PSMB5: variants seen among roughly 807,000 people sequenced by gnomAD.
The protein encoded by PSMB5 is proteasome 20S subunit beta 5, also known as proteasome subunit beta type-5.
Under a neutral mutation model 22.8 loss-of-function variants are expected in PSMB5, and 2 were observed. That is an observed-to-expected ratio of 0.09 (90% CI 0.04 to 0.28). PSMB5 has a LOEUF of 0.28. Among genes scored for constraint, PSMB5 ranks in the 10% least tolerant of loss-of-function variants. The pLI is 1.00. For synonymous variants in PSMB5, 133 were observed against 135.3 expected (o/e 0.98, Z 0.12); for missense variants, 269 against 343.8 (o/e 0.78, Z 1.72).
Position 23,025,903 on chromosome 14 carries a change from T to C in PSMB5, c.*186A>G, listed in dbSNP as rs2046908586. On this transcript the variant is annotated 3_prime_UTR_variant, in exon 3 of 3. Coordinates refer to ENST00000361611, the MANE Select transcript of PSMB5 (RefSeq NM_002797.5). ...TTAACATCCAAGAAAGTAAAACAAA[T>C]AGTCACCTCTGCAGCAGCTCATTAA... 7.0e-7 allele frequency: 1 copy of C among 1,434,860 alleles called. No homozygotes were observed. Among genetic ancestry groups the C allele is most frequent in the East Asian group, 2.5e-5 (1 of 40,016 alleles). 88.9% of individuals were successfully genotyped at this position (1,434,860 alleles called of 1,614,324 possible).
At chr14:23,032,280 A>G (rs2139920059) in intron 2 of PSMB5, among the ~76,000 whole-genome samples, 1 of 152,216 alleles carries the variant, frequency 6.6e-6, no homozygotes, top group African/African-American at 2.4e-5. Context: ...CCCCATCTCT[A>G]CTAAAAATAT....
In PSMB5 at chr14:23,033,510, T is replaced by C. The variant is rs1566716038; in HGVS notation, c.363A>G (p.Gln121=). ...TATTTCGAAGCTCATAGATTCGACATTGCCGAGCCAACAGCCGTTCCCAGA... is the reference window on the plus strand; with the variant it reads ...TATTTCGAAGCTCATAGATTCGACACTGCCGAGCCAACAGCCGTTCCCAGA... ...CSFWERLLAR[Q]CRIYELRNKE... is the part of the protein sequence containing the mutation. Residue 121 remains glutamine, a synonymous_variant, in exon 2 of 3, where the codon CAA becomes CAG. Coordinates refer to ENST00000361611, the MANE Select transcript of PSMB5 (RefSeq NM_002797.5). The C allele has an allele frequency of 3.1e-6, 5 of 1,614,164 alleles. No individual in the cohort carries two copies. The highest frequency in any genetic ancestry group is 2.2e-5 in the East Asian group (1 of 44,862).
intron 2 of PSMB5, among the ~76,000 whole-genome samples, chr14:23,027,199 G>A (rs529988816): frequency 1.1e-4 from 16 of 151,546 alleles, no homozygotes; most frequent in African/African-American, 3.6e-4. Context: ...TGGCTAACAC[G>A]GTGAAACCCC....
At chr14:23,027,157 T>C (rs989807542) in intron 2 of PSMB5, among the ~76,000 whole-genome samples, 1 of 151,020 alleles carries the variant, frequency 6.6e-6, no homozygotes, top group Non-Finnish European at 1.5e-5. Flanking sequence ...CCGAGGCGGG[T>C]GGATCACGAG....
intron 2 of PSMB5, among the ~76,000 whole-genome samples, chr14:23,026,959 A>C (rs1027193179): frequency 7.9e-5 from 12 of 151,406 alleles, no homozygotes; most frequent in African/African-American, 2.7e-4. Context: ...GCACATGCCT[A>C]TAATCCCAGC....
At chr14:23,027,212 C>T (rs2046921242) in intron 2 of PSMB5, among the ~76,000 whole-genome samples, 1 of 151,382 alleles carries the variant, frequency 6.6e-6, no homozygotes, top group South Asian at 2.1e-4. Context: ...GAAACCCCGT[C>T]TCTACTAAAA....
At chr14:23,029,756 G>A (rs1349084322) in intron 2 of PSMB5, among the ~76,000 whole-genome samples, 1 of 151,898 alleles carries the variant, frequency 6.6e-6, no homozygotes, top group African/African-American at 2.4e-5. Context: ...TGGGATTACA[G>A]GCATGTGCCA....
rs541110858 is a variant in PSMB5 at position 23,031,080 on chromosome 14, G to A, written c.505+2288C>T. Among the ~76,000 whole-genome samples the A allele has an allele frequency of 2.6e-5, 4 of 152,314 alleles. No individual in the cohort carries two copies. In the South Asian group the frequency reaches 8.3e-4, roughly 32 times the overall value. On this transcript the variant is annotated intron_variant, in intron 2 of 2. Transcript: ENST00000361611. ...AACCCATGTTGCTCAAGGGCCAACT[G>A]TAATATGAGGCAAGGGGCTGACTCA...
At chr14:23,027,614 C>A in intron 2 of PSMB5, 1 of 588,234 alleles carries the variant, frequency 1.7e-6, no homozygotes, top group South Asian at 2.0e-5. Context: ...CACCACCACA[C>A]TCCAGCTTGG....
In PSMB5 at chr14:23,034,678, CCA is replaced by C. The variant is rs754385113; in HGVS notation, c.198+4_198+5del. The C allele has an allele frequency of 6.4e-5, 103 of 1,613,732 alleles. No individual in the cohort carries two copies. Among genetic ancestry groups the C allele is most frequent in the Non-Finnish European group, 8.5e-5 (100 of 1,179,954 alleles). The stretch of plus-strand genomic sequence containing the variant: ...ACTCAGCCTGGCAAGGGGGCTGGCT[CCA>C]CACCTTGAAGGCCAGGGTGGTTGTT... On this transcript the variant is annotated splice_donor_5th_base_variant and intron_variant, in intron 1 of 2. Coordinates refer to ENST00000361611, the MANE Select transcript of PSMB5 (RefSeq NM_002797.5).
intron 2 of PSMB5, chr14:23,027,965 G>T: frequency 2.0e-6 from 1 of 509,096 alleles, no homozygotes; most frequent in Non-Finnish European, 3.6e-6. Flanking sequence ...CCAACATGGA[G>T]AAACCCTGTC....
At chr14:23,026,761 T>C (rs2046917078) in intron 2 of PSMB5, among the ~76,000 whole-genome samples, 1 of 149,246 alleles carries the variant, frequency 6.7e-6, no homozygotes, top group African/African-American at 2.5e-5. Flanking sequence ...GCAGTAGTTC[T>C]CTTAAAACCT....
intron 2 of PSMB5, among the ~76,000 whole-genome samples, chr14:23,032,224 C>T (rs565050735): frequency 6.6e-4 from 100 of 152,226 alleles, no homozygotes; most frequent in African/African-American, 2.4e-3. Context: ...GCGGGTGAAT[C>T]ACCTGAGGTC....
chr14:23,032,172 C>G (rs1429778162), intron 2 of PSMB5, among the ~76,000 whole-genome samples: 1 of 152,138 alleles, frequency 6.6e-6, no homozygotes, highest in Non-Finnish European at 1.5e-5. Flanking sequence ...AGGCCGGGTG[C>G]AGCGGCTCAC....
intron 2 of PSMB5, among the ~76,000 whole-genome samples, chr14:23,029,912 G>A (rs926611430): frequency 2.6e-5 from 4 of 152,130 alleles, no homozygotes; most frequent in African/African-American, 9.6e-5. Flanking sequence ...CTCCCAAGTA[G>A]CTGGGACTAC....
At chr14:23,027,956 C>A in intron 2 of PSMB5, 3 of 533,150 alleles carry the variant, frequency 5.6e-6, no homozygotes, top group South Asian at 1.8e-5. Context: ...CAAGCCTGAC[C>A]AACATGGAGA....
chr14:23,033,842 C>T (rs1362895664), intron 1 of PSMB5, among the ~76,000 whole-genome samples, 168 bp from the exon 2 acceptor site: 1 of 152,236 alleles, frequency 6.6e-6, no homozygotes, highest in Non-Finnish European at 1.5e-5. Context: ...CCGAGCTTCA[C>T]ATCAATCCCT....
rs561234583 is a variant in PSMB5 at position 23,033,478 on chromosome 14, C to G, written c.395G>C (p.Arg132Pro). The change falls in exon 2 of 3, where the codon CGC becomes CCC. Residue 132 changes from arginine (R) to proline (P), a missense_variant. By Grantham distance (103) the Arg-to-Pro change is moderately radical (BLOSUM62 -2). Around this residue, in one of 3 missense-constraint regions of PSMB5, gnomAD observed 75 missense variants for 143.2 expected, o/e 0.52. Coordinates refer to ENST00000361611, the MANE Select transcript of PSMB5 (RefSeq NM_002797.5). ...CRIYELRNKE[R>P]ISVAAASKLL... ...TTTGGAGGCAGCTGCTACAGAGATG[C>G]GTTCCTTATTTCGAAGCTCATAGAT... 1 of 1,614,094 alleles carries G rather than the reference C, an allele frequency of 6.2e-7. No individual in the cohort carries two copies. The highest frequency in any genetic ancestry group is 1.1e-5 in the South Asian group (1 of 91,078).
chr14:23,032,166 C>T (rs907107417), intron 2 of PSMB5, among the ~76,000 whole-genome samples: 5 of 151,974 alleles, frequency 3.3e-5, no homozygotes, highest in Non-Finnish European at 7.4e-5. Context: ...GAGAAGAGGC[C>T]GGGTGCAGCG....
Sources: allele counts gnomAD v4.1 joint callset (sites outside exome capture counted in the v4.1 genomes callset), GRCh38; gene constraint gnomAD v4.1.1; regional missense constraint gnomAD v4.1.1; transcripts MANE v1.5; gene names NCBI Gene and HGNC (gene_info 2026-07-23, HGNC 2026-07-21).